GPM6A: variants seen among roughly 807,000 people sequenced by gnomAD.
The protein encoded by GPM6A is neuronal membrane glycoprotein M6-a.
In GPM6A, 7 loss-of-function variants were observed where a neutral mutation model predicts 32.1. That is an observed-to-expected ratio of 0.22 (90% CI 0.12 to 0.41). GPM6A has a LOEUF of 0.41. Among genes scored for constraint, GPM6A ranks in the 10% least tolerant of loss-of-function variants. The pLI is 1.00. For synonymous variants in GPM6A, 130 were observed against 123.4 expected, an observed-to-expected ratio of 1.05 and a Z score of -0.35; for missense variants, 235 against 347.2, an observed-to-expected ratio of 0.68 and a Z score of 2.57.
intron 1 of GPM6A, among the ~76,000 whole-genome samples, chr4:175,960,269 A>G (rs1346330053): frequency 6.6e-6 from 1 of 152,198 alleles, no homozygotes; most frequent in Non-Finnish European, 1.5e-5. Context: ...AAAAAATTAA[A>G]CTAGGATTCT....
intron 1 of GPM6A, among the ~76,000 whole-genome samples, chr4:175,861,486 T>C (rs1736571301): frequency 6.6e-6 from 1 of 150,786 alleles, no homozygotes. Context: ...GCACAGTGGT[T>C]CATGCTTGTA....
rs1225865967 is a variant in GPM6A, at chr4:175,645,450, G to A, written c.542-4621C>T. On this transcript the variant is annotated intron_variant, in intron 4 of 6. Transcript: ENST00000393658. The stretch of plus-strand genomic sequence containing the variant: ...TTAAGAAAATTGTAGGCCGGGTGGG[G>A]TGGCTCACGCCTGTAATCCCAGCAC... Among the ~76,000 whole-genome samples the A allele has an allele frequency of 4.6e-5, 7 of 152,224 alleles. No individual in the cohort carries two copies. In the South Asian group the frequency reaches 1.0e-3, roughly 23 times the overall value.
intron 1 of GPM6A, among the ~76,000 whole-genome samples, chr4:175,902,493 G>T (rs1017477543): frequency 6.6e-6 from 1 of 152,162 alleles, no homozygotes; most frequent in African/African-American, 2.4e-5. Flanking sequence ...CAACATGCAG[G>T]CTCCATCTTT....
chr4:175,754,347 T>C (rs142843743), intron 1 of GPM6A, among the ~76,000 whole-genome samples: 33 of 152,212 alleles, frequency 2.2e-4, no homozygotes, highest in African/African-American at 7.9e-4. Flanking sequence ...TATTGAAAGG[T>C]GGATGTTTAA....
chr4:175,764,846 CATTATT>C (rs56700410), intron 1 of GPM6A, among the ~76,000 whole-genome samples: 2,055 of 140,506 alleles, frequency 0.015, 40 homozygotes, highest in African/African-American at 0.045. Flanking sequence ...AACCCAAAGG[CATTATT>C]ATTATTATTA....
At chr4:175,876,826 C>T (rs1322969709) in intron 1 of GPM6A, among the ~76,000 whole-genome samples, 1 of 152,136 alleles carries the variant, frequency 6.6e-6, no homozygotes, top group Admixed American at 6.6e-5. Context: ...AAGTCACAGT[C>T]TAGTATTTGT....
chr4:175,737,270 C>T (rs150529189), intron 1 of GPM6A, among the ~76,000 whole-genome samples: 3 of 152,258 alleles, frequency 2.0e-5, no homozygotes, highest in South Asian at 4.1e-4. Flanking sequence ...TTATGTGGCT[C>T]ATGATTCTGC....
At chr4:175,927,800 G>C (rs1050291943) in intron 1 of GPM6A, among the ~76,000 whole-genome samples, 8 of 152,194 alleles carry the variant, frequency 5.3e-5, no homozygotes, top group Non-Finnish European at 8.8e-5. Flanking sequence ...CGGGAGAATG[G>C]CTTGAACCTG....
intron 3 of GPM6A, among the ~76,000 whole-genome samples, chr4:175,662,494 G>C (rs1165455908): frequency 6.6e-6 from 1 of 152,032 alleles, no homozygotes; most frequent in African/African-American, 2.4e-5. Flanking sequence ...CAGCTACTAG[G>C]GAGGCTGAGG....
intron 1 of GPM6A, among the ~76,000 whole-genome samples, chr4:175,993,052 G>C (rs1741198463): frequency 6.6e-6 from 1 of 152,002 alleles, no homozygotes; most frequent in Non-Finnish European, 1.5e-5. Flanking sequence ...CTGAAATCAT[G>C]AAACAGTTCT....
At chr4:175,641,595 A>C (rs1741147419) in intron 4 of GPM6A, 1 of 152,334 alleles carries the variant, frequency 6.6e-6, no homozygotes, top group African/African-American at 2.4e-5. Flanking sequence ...AAACACATAC[A>C]GGCATGATAA....
chr4:175,717,849 C>T (rs1347114920), intron 1 of GPM6A, among the ~76,000 whole-genome samples: 1 of 152,032 alleles, frequency 6.6e-6, no homozygotes, highest in Non-Finnish European at 1.5e-5. Flanking sequence ...TTATAATTGC[C>T]AAGAGTTTTC....
chr4:175,942,512 CT>C (rs1186866324), intron 1 of GPM6A, among the ~76,000 whole-genome samples: 1 of 152,058 alleles, frequency 6.6e-6, no homozygotes, highest in Non-Finnish European at 1.5e-5. Flanking sequence ...GGTTTTAGGT[CT>C]TATGTTTAAG....
chr4:175,696,280 G>A (rs1335473082), intron 2 of GPM6A, among the ~76,000 whole-genome samples: 2 of 138,362 alleles, frequency 1.4e-5, no homozygotes, highest in East Asian at 1.9e-4. Flanking sequence ...AAGGCAAAGA[G>A]GTTAAGTAAC....
intron 1 of GPM6A, among the ~76,000 whole-genome samples, chr4:175,722,888 A>G (rs878940125): frequency 6.5e-4 from 4 of 6,120 alleles, no homozygotes; most frequent in Non-Finnish European, 1.0e-3. Context: ...CAAAGAAATT[A>G]AAAAAAAAAA....
chr4:175,739,100 C>T (rs1731779954), intron 1 of GPM6A, among the ~76,000 whole-genome samples: 1 of 152,260 alleles, frequency 6.6e-6, no homozygotes, highest in East Asian at 1.9e-4. Flanking sequence ...ACAGCTGTGC[C>T]TGACAAGGTG....
chr4:175,812,472 T>G, upstream of GPM6A: 1 of 1,233,856 alleles, frequency 8.1e-7, no homozygotes, highest in Non-Finnish European at 1.0e-6. Flanking sequence ...GTGAAGATTA[T>G]CAATTTTTCT....
chr4:175,875,698 C>T (rs781283692), intron 1 of GPM6A, among the ~76,000 whole-genome samples: 1 of 152,154 alleles, frequency 6.6e-6, no homozygotes, highest in Non-Finnish European at 1.5e-5. Context: ...AACATGCAGA[C>T]TAAATTTTCA....
chr4:175,649,429 C>G (rs1388569335), intron 4 of GPM6A, among the ~76,000 whole-genome samples: 1 of 152,130 alleles, frequency 6.6e-6, no homozygotes, highest in East Asian at 1.9e-4. Flanking sequence ...ATTATTCTTT[C>G]TGTCCTTTAG....
Sources: allele counts gnomAD v4.1 joint callset (sites outside exome capture counted in the v4.1 genomes callset), GRCh38; gene constraint gnomAD v4.1.1; transcripts MANE v1.5; gene names NCBI Gene and HGNC (gene_info 2026-07-23, HGNC 2026-07-21).